LRIG1: variants seen among roughly 807,000 people sequenced by gnomAD.
LRIG1 encodes the protein leucine rich repeats and immunoglobulin like domains 1, also known as leucine-rich repeats and immunoglobulin-like domains protein 1.
A neutral mutation model predicts 99.2 loss-of-function variants in LRIG1; 48 were observed. That is an observed-to-expected ratio of 0.48 (90% CI 0.38 to 0.62). LRIG1 has a LOEUF of 0.62. Ranked by LOEUF, LRIG1 falls within the 20% of genes least tolerant of loss-of-function variation. LRIG1 has a pLI of 0.00. For missense variants in LRIG1, 1,646 were observed against 1,434.4 expected, an observed-to-expected ratio of 1.15 and a Z score of -2.38; for synonymous variants, 772 against 596.1, an observed-to-expected ratio of 1.29 and a Z score of -4.30.
chr3:66,403,400 T>C (rs1179316368), intron 9 of LRIG1, among the ~76,000 whole-genome samples: 1 of 150,848 alleles, frequency 6.6e-6, no homozygotes, highest in Non-Finnish European at 1.5e-5. Flanking sequence ...TCACCCTTTT[T>C]CAAACATACA....
chr3:66,412,154 T>G (rs1702486992), intron 6 of LRIG1, among the ~76,000 whole-genome samples: 1 of 152,230 alleles, frequency 6.6e-6, no homozygotes, highest in African/African-American at 2.4e-5. Flanking sequence ...CTGAAGAGAC[T>G]GCTCCCTTGA....
rs528047800 is a variant in LRIG1 at position 66,495,358 on chromosome 3, A to G, written c.218+4832T>C. Reference sequence around the variant, plus strand: ...CCATTGTAAACAGCTCTGAATATTAACACGGCCCAGAGTTCTGTTCGCTTT... The same window carrying G: ...CCATTGTAAACAGCTCTGAATATTAGCACGGCCCAGAGTTCTGTTCGCTTT... On this transcript the variant is annotated intron_variant, in intron 1 of 18. Transcript: ENST00000273261. 2.0e-5 allele frequency among the ~76,000 whole-genome samples: 3 copies of G among 152,314 alleles called. No individual in the cohort carries two copies. In the South Asian group the frequency reaches 6.2e-4, roughly 32 times the overall value.
chr3:66,479,815 G>A (rs774641466), intron 1 of LRIG1, among the ~76,000 whole-genome samples: 2 of 152,208 alleles, frequency 1.3e-5, no homozygotes, highest in Non-Finnish European at 2.9e-5. Context: ...GTGAGGTAGT[G>A]CAGAAATGGG....
chr3:66,388,059 A>G (rs1701464167), intron 12 of LRIG1: 1 of 142,600 alleles, frequency 7.0e-6, no homozygotes, highest in African/African-American at 2.6e-5. Flanking sequence ...GTGAGCCAAG[A>G]TCACGCCACT....
chr3:66,394,026 A>G lies in LRIG1; in HGVS notation c.1468+14T>C. 2 of 1,613,700 alleles carry G rather than the reference A, an allele frequency of 1.2e-6. No homozygotes were observed. Among genetic ancestry groups the G allele is most frequent in the Non-Finnish European group, 1.7e-6 (2 of 1,179,846 alleles). ...CTTCATGAAGGAGAGAAAAAGTTACAAAGACAGTCTTACCGCACACGAAAC... is the reference window on the plus strand; with the variant it reads ...CTTCATGAAGGAGAGAAAAAGTTACGAAGACAGTCTTACCGCACACGAAAC... On this transcript the variant is annotated intron_variant, in intron 12 of 18. Coordinates refer to ENST00000273261, the MANE Select transcript of LRIG1 (RefSeq NM_015541.3).
At chr3:66,396,833 T>TACC (rs1701870321) in intron 11 of LRIG1, among the ~76,000 whole-genome samples, 1 of 152,250 alleles carries the variant, frequency 6.6e-6, no homozygotes, top group African/African-American at 2.4e-5. Flanking sequence ...CCCCACCGCT[T>TACC]GTCTTCTACA....
rs565381612 is a variant in LRIG1 at position 66,488,556 on chromosome 3, G to A, written c.218+11634C>T. 2.0e-5 allele frequency among the ~76,000 whole-genome samples: 3 copies of A among 152,048 alleles called. No homozygotes were observed. In the East Asian group the frequency reaches 5.8e-4, roughly 29 times the overall value. On this transcript the variant is annotated intron_variant, in intron 1 of 18. Transcript: ENST00000273261. ...GGAGGCTGAGGCAAGAGAATCACTTGAGCCAGGAAGGCAGAGGTTGCAGTC... is the reference window on the plus strand; with the variant it reads ...GGAGGCTGAGGCAAGAGAATCACTTAAGCCAGGAAGGCAGAGGTTGCAGTC...
At chr3:66,398,887 G>A in intron 10 of LRIG1, 83 bp downstream of exon 10, 1 of 1,111,508 alleles carries the variant, frequency 9.0e-7, no homozygotes, top group Non-Finnish European at 1.4e-6. Context: ...AGTTTACAAA[G>A]ATGCGATTAA....
chr3:66,398,130 A>T lies in LRIG1; in HGVS notation c.1286T>A (p.Met429Lys). ...RSVQFDAFVK[M>K]KNLKELHISS... ...TACTTACAGCTCTTTAAGATTCTTC[A>T]TCTTCACAAAGGCATCAAACTGGAC... Residue 429 changes from methionine (M) to lysine (K), a missense_variant, in exon 11 of 19, where the codon ATG becomes AAG. By Grantham distance (95) the Met-to-Lys change is moderately conservative. Transcript: ENST00000273261. 2 of 1,613,988 alleles carry T rather than the reference A, an allele frequency of 1.2e-6. No individual in the cohort carries two copies. Among genetic ancestry groups the T allele is most frequent in the South Asian group, 2.2e-5 (2 of 91,082 alleles).
At chr3:66,393,941 G>C (rs968998550) in intron 12 of LRIG1, 99 bp downstream of exon 12, 12 of 1,287,656 alleles carry the variant, frequency 9.3e-6, no homozygotes, top group South Asian at 9.3e-5. Context: ...CACGGGCTGG[G>C]GTTTACTCTG....
chr3:66,479,676 T>C (rs1230108608), intron 1 of LRIG1, among the ~76,000 whole-genome samples: 2 of 152,204 alleles, frequency 1.3e-5, no homozygotes, highest in Non-Finnish European at 2.9e-5. Flanking sequence ...ACATGGTCAA[T>C]AAGCATATGA....
intron 3 of LRIG1, among the ~76,000 whole-genome samples, chr3:66,436,614 T>A (rs1575690143): frequency 1.3e-5 from 2 of 152,118 alleles, no homozygotes; most frequent in South Asian, 4.1e-4. Context: ...CCCGGGGGTC[T>A]GGTGCCAGCC....
At chr3:66,427,074 GA>G (rs891870554) in intron 3 of LRIG1, among the ~76,000 whole-genome samples, 108 of 152,110 alleles carry the variant, frequency 7.1e-4, no homozygotes, top group African/African-American at 2.0e-3. Context: ...AGACTGGGGG[GA>G]AAAAAAATCT....
At position 66,384,174 on chromosome 3, in the gene LRIG1, T is replaced by C; in HGVS notation, c.1888A>G (p.Ile630Val). 3 of 1,614,102 alleles carry C rather than the reference T, an allele frequency of 1.9e-6. No homozygotes were observed. The highest frequency in any genetic ancestry group is 2.5e-6 in the Non-Finnish European group (3 of 1,180,008). The change falls in exon 14 of 19, where the codon ATT (isoleucine) becomes GTT (valine). Residue 630 changes from isoleucine (I) to valine (V), a missense_variant. Ile to Val is a conservative substitution (Grantham distance 29). Transcript: ENST00000273261. ...GTGCCTCCATCCTTCTGCCAGGCAA[T>C]CTGAGGGTTTGGGTGACCTGTGGCA... ...CAATGHPNPQ[I>V]AWQKDGGTDF... is the part of the protein sequence containing the mutation.
chr3:66,434,950 G>C (rs1215135169), intron 3 of LRIG1, among the ~76,000 whole-genome samples: 2 of 152,046 alleles, frequency 1.3e-5, no homozygotes, highest in African/African-American at 2.4e-5. Flanking sequence ...CCAGAGAAGT[G>C]AAAATTTATG....
At chr3:66,446,977 G>A (rs1301169123) in intron 3 of LRIG1, among the ~76,000 whole-genome samples, 2 of 152,104 alleles carry the variant, frequency 1.3e-5, no homozygotes, top group East Asian at 1.9e-4. Context: ...TGATGAAAAT[G>A]TTTTAGCATT....
At chr3:66,453,947 G>A (rs368805875) in intron 2 of LRIG1, among the ~76,000 whole-genome samples, 2 of 152,188 alleles carry the variant, frequency 1.3e-5, no homozygotes, top group South Asian at 4.1e-4. Flanking sequence ...CAAGGGAAGC[G>A]GGCATCATGA....
At position 66,462,498 on chromosome 3, in the gene LRIG1, T is replaced by G. The variant is rs1198980946; in HGVS notation, c.230A>C (p.Tyr77Ser). Residue 77 changes from tyrosine to serine, a missense_variant, in exon 2 of 19, where the codon TAC becomes TCC. Physicochemically the swap from Tyr to Ser is moderately radical, Grantham distance 144 (BLOSUM62 -2). Transcript: ENST00000273261. ...AGGGTCAATCTCAGAGAGTTTGTTGTAACTCAGGTTTCTGGTAAAGACAGA... is the reference window on the plus strand; with the variant it reads ...AGGGTCAATCTCAGAGAGTTTGTTGGAACTCAGGTTTCTGGTAAAGACAGA... Reference protein sequence around the residue: ...PSWTRSLNLSYNKLSEIDPAG... With the variant: ...PSWTRSLNLSSNKLSEIDPAG... 2 of 1,611,200 alleles carry G rather than the reference T, an allele frequency of 1.2e-6. No individual in the cohort carries two copies. Among genetic ancestry groups the G allele is most frequent in the Non-Finnish European group, 1.7e-6 (2 of 1,178,430 alleles).
chr3:66,413,535 T>C (rs533992679), intron 5 of LRIG1, among the ~76,000 whole-genome samples: 43 of 152,242 alleles, frequency 2.8e-4, no homozygotes, highest in African/African-American at 1.0e-3. Flanking sequence ...TTACTGCACA[T>C]GGGGGCAGGG....
Sources: gnomAD v4.1 joint callset for allele counts (sites outside exome capture counted in the v4.1 genomes callset) on GRCh38, gnomAD v4.1.1 for gene constraint, MANE v1.5 for transcripts, NCBI Gene and HGNC (gene_info 2026-07-23, HGNC 2026-07-21) for gene names.